The following PACS1 variants were observed in gnomAD, a reference collection of about 807,000 sequenced individuals.
The protein encoded by PACS1 is phosphofurin acidic cluster sorting protein 1.
Under a neutral mutation model 115.0 loss-of-function variants are expected in PACS1, and 24 were observed. That is an observed-to-expected ratio of 0.21 (90% CI 0.15 to 0.29). PACS1 has a LOEUF of 0.29. Among genes scored for constraint, PACS1 ranks in the 10% least tolerant of loss-of-function variants. PACS1 has a pLI of 1.00. For synonymous variants in PACS1, 453 were observed against 504.5 expected (o/e 0.90, Z 1.37); for missense variants, 838 against 1,251.2 (o/e 0.67, Z 4.98).
intron 1 of PACS1, among the ~76,000 whole-genome samples, chr11:66,154,714 C>T (rs1199132702): frequency 1.3e-5 from 2 of 152,096 alleles, no homozygotes; most frequent in East Asian, 1.9e-4. Flanking sequence ...TAAATAGGCT[C>T]GTGGATTGGA....
intron 1 of PACS1, among the ~76,000 whole-genome samples, chr11:66,164,828 C>T (rs913078969): frequency 6.6e-5 from 10 of 151,822 alleles, no homozygotes; most frequent in Non-Finnish European, 1.0e-4. Flanking sequence ...CCCTTCACAT[C>T]TCTTCCCTAT....
intron 1 of PACS1, among the ~76,000 whole-genome samples, chr11:66,145,494 C>T (rs1859099905): frequency 6.6e-6 from 1 of 152,156 alleles, no homozygotes; most frequent in South Asian, 2.1e-4. Context: ...GACTGGCAAA[C>T]TAGCCCAAAA....
At chr11:66,200,053 A>AAAAC (rs1565144022) in intron 2 of PACS1, among the ~76,000 whole-genome samples, 2 of 142,382 alleles carry the variant, frequency 1.4e-5, no homozygotes, top group Non-Finnish European at 3.1e-5. Flanking sequence ...CAAAACAAAA[A>AAAAC]AAAAAACAAG....
chr11:66,212,759 C>G (rs1307032076), intron 4 of PACS1, among the ~76,000 whole-genome samples: 1 of 152,180 alleles, frequency 6.6e-6, no homozygotes, highest in Non-Finnish European at 1.5e-5. Context: ...ATTCATGATT[C>G]TTGCCTGAAT....
intron 1 of PACS1, among the ~76,000 whole-genome samples, chr11:66,162,143 T>TTTTTTTG (rs1859504049): frequency 1.9e-5 from 2 of 104,836 alleles, no homozygotes; most frequent in Admixed American, 9.9e-5. Context: ...TTTTTTTTTT[T>TTTTTTTG]GAGACAGTGT....
At chr11:66,204,231 G>T (rs549700879) in intron 2 of PACS1, among the ~76,000 whole-genome samples, 34 of 152,150 alleles carry the variant, frequency 2.2e-4, no homozygotes, top group Non-Finnish European at 3.5e-4. Flanking sequence ...ATGGGCAAAC[G>T]ATCTGAATAG....
intron 1 of PACS1, among the ~76,000 whole-genome samples, chr11:66,165,194 C>G (rs964495791): frequency 6.6e-6 from 1 of 152,210 alleles, no homozygotes; most frequent in African/African-American, 2.4e-5. Flanking sequence ...TTTCTGTTCT[C>G]AGCTTATTCC....
chr11:66,107,490 G>A (rs1176096718), intron 1 of PACS1, among the ~76,000 whole-genome samples: 1 of 152,122 alleles, frequency 6.6e-6, no homozygotes, highest in African/African-American at 2.4e-5. Flanking sequence ...AGCTCCATGA[G>A]GGCCATGATT....
intron 13 of PACS1, chr11:66,231,710 A>G (rs1412227322): frequency 5.8e-6 from 1 of 173,320 alleles, no homozygotes; most frequent in African/African-American, 2.4e-5. Context: ...CTGTTCCTGA[A>G]ATACCTTTTG....
intron 1 of PACS1, among the ~76,000 whole-genome samples, chr11:66,161,534 G>A (rs1859488002): frequency 6.6e-6 from 1 of 152,098 alleles, no homozygotes; most frequent in South Asian, 2.1e-4. Flanking sequence ...AGAGCGGATG[G>A]AATCTTAGTT....
At chr11:66,113,370 G>T (rs1858229666) in intron 1 of PACS1, among the ~76,000 whole-genome samples, 1 of 151,928 alleles carries the variant, frequency 6.6e-6, no homozygotes, top group Non-Finnish European at 1.5e-5. Flanking sequence ...ACATCCTTTG[G>T]GTCTCTTGTC....
chr11:66,219,503 G>C (rs576570932), intron 7 of PACS1: 9 of 649,366 alleles, frequency 1.4e-5, no homozygotes, highest in East Asian at 6.0e-5. Context: ...TGGGGCACAG[G>C]GGGGTGGAGG....
chr11:66,074,352 C>T lies in PACS1; in HGVS notation c.356+3510C>T, dbSNP rs370444733. ...TACTATGGTCCAGTATGGCATGGAC[C>T]GTGGTGCAGGGTTATGGGGACCAGG... On this transcript the variant is annotated intron_variant, in intron 1 of 23. Transcript: ENST00000320580. Among the ~76,000 whole-genome samples, 7 of 152,074 alleles carry T rather than the reference C, an allele frequency of 4.6e-5. No homozygotes were observed. The East Asian group carries it at 5.8e-4, about 13-fold the overall frequency.
intron 1 of PACS1, among the ~76,000 whole-genome samples, chr11:66,110,654 C>T (rs1263599123): frequency 6.6e-6 from 1 of 152,182 alleles, no homozygotes; most frequent in Non-Finnish European, 1.5e-5. Flanking sequence ...CTCACTACTA[C>T]AGCCTCTGCC....
rs1859351815 is a variant in PACS1 at position 66,156,209 on chromosome 11, TATATATATATATATATATATA to T, written c.357-37276_357-37256del. ...AAGTTGTTTCATTTTTTAAATTATA[TATATATATATATATATATATA>T]TATATATATATATATATATATATAG... On this transcript the variant is annotated intron_variant, in intron 1 of 23. Coordinates refer to ENST00000320580, the MANE Select transcript of PACS1 (RefSeq NM_018026.4). Among the ~76,000 whole-genome samples the T allele has an allele frequency of 5.0e-3, 11 of 2,198 alleles. No homozygotes were observed. The Admixed American group carries it at 0.064, about 13-fold the overall frequency. 1.4% of individuals were successfully genotyped at this position (2,198 alleles called of 152,430 possible). A position where few individuals can be genotyped will look rare whatever the true frequency, so the allele number is the denominator to read the frequency against.
intron 1 of PACS1, among the ~76,000 whole-genome samples, chr11:66,081,537 A>C (rs566069386): frequency 7.2e-5 from 11 of 152,210 alleles, no homozygotes; most frequent in Non-Finnish European, 1.5e-4. Flanking sequence ...GGTTCACCTG[A>C]GGCACAGATC....
rs1857438732 is a variant in PACS1, at chr11:66,079,054, C to T, written c.356+8212C>T. On this transcript the variant is annotated intron_variant, in intron 1 of 23. Transcript: ENST00000320580. ...TCCCAAGTAGCTGGGATTACAGGTG[C>T]ATACCACCATGCCCGACTAATTTTT... Among the ~76,000 whole-genome samples the T allele has an allele frequency of 2.0e-5, 3 of 152,314 alleles. No individual in the cohort carries two copies. In the South Asian group the frequency reaches 6.2e-4, roughly 32 times the overall value.
intron 1 of PACS1, among the ~76,000 whole-genome samples, chr11:66,086,011 A>G (rs1269876613): frequency 1.3e-5 from 2 of 152,168 alleles, no homozygotes; most frequent in Non-Finnish European, 2.9e-5. Flanking sequence ...ATTTTCTAAA[A>G]TGGTGAATAA....
rs984538973 is a variant in PACS1 at position 66,208,093 on chromosome 11, C to G, written c.445-2269C>G. Among the ~76,000 whole-genome samples, 16 of 152,274 alleles carry G rather than the reference C, an allele frequency of 1.1e-4. No individual in the cohort carries two copies. In the South Asian group the frequency reaches 2.7e-3, roughly 26 times the overall value. On this transcript the variant is annotated intron_variant, in intron 2 of 23. Coordinates refer to ENST00000320580, the MANE Select transcript of PACS1 (RefSeq NM_018026.4). ...TGCTGATTTTATACCCAGCCTTCCC[C>G]CTATGGCCATTACCCATAGGCAGCA...
Sources: gnomAD v4.1 joint callset for allele counts (sites outside exome capture counted in the v4.1 genomes callset) on GRCh38, gnomAD v4.1.1 for gene constraint, MANE v1.5 for transcripts, NCBI Gene and HGNC (gene_info 2026-07-23, HGNC 2026-07-21) for gene names.